PARD3: variants seen among roughly 807,000 people sequenced by gnomAD.
PARD3 encodes par-3 family cell polarity regulator, also known as partitioning defective 3 homolog.
A neutral mutation model predicts 155.4 loss-of-function variants in PARD3; 75 were observed. That is an observed-to-expected ratio of 0.48 (90% CI 0.40 to 0.58). The LOEUF (loss-of-function observed/expected upper bound fraction) is 0.58. Among genes scored for constraint, PARD3 ranks in the 20% least tolerant of loss-of-function variants. PARD3 has a pLI of 0.00. For synonymous variants in PARD3, 576 were observed against 610.5 expected (o/e 0.94, Z 0.83); for missense variants, 1,642 against 1,721.7 (o/e 0.95, Z 0.82).
In PARD3 at chr10:34,196,167, G is replaced by C. The variant is rs114829843; in HGVS notation, c.3420-64584C>G. ...TGGCCTGTGAGCTCCTTTGTCTATA[G>C]CTTTCTAGAAATAAGTGACCCAGAC... On this transcript the variant is annotated intron_variant, in intron 22 of 24. Transcript: ENST00000374788. 3.5e-3 allele frequency among the ~76,000 whole-genome samples: 538 copies of C among 152,184 alleles called. 4 individuals carry two copies. The highest frequency in any genetic ancestry group is 0.012 in the African/African-American group (518 of 41,532).
intron 23 of PARD3, among the ~76,000 whole-genome samples, chr10:34,127,198 C>A (rs1349678886): frequency 6.6e-6 from 1 of 152,140 alleles, no homozygotes; most frequent in African/African-American, 2.4e-5. Flanking sequence ...CATCTAGATA[C>A]TAAGACGTAG....
chr10:34,743,615 TA>T (rs1049429394), intron 1 of PARD3, among the ~76,000 whole-genome samples: 1 of 152,174 alleles, frequency 6.6e-6, no homozygotes, highest in East Asian at 1.9e-4. Flanking sequence ...CTCCCGTATC[TA>T]AAAATCTGCT....
intron 1 of PARD3, among the ~76,000 whole-genome samples, chr10:34,768,892 G>A (rs926623148): frequency 6.6e-6 from 1 of 152,174 alleles, no homozygotes; most frequent in African/African-American, 2.4e-5. Context: ...GAAGGGAGGT[G>A]AATATCCAGT....
chr10:34,343,445 A>G (rs1837045561), intron 15 of PARD3: 1 of 980,850 alleles, frequency 1.0e-6, no homozygotes, highest in African/African-American at 1.7e-5. Flanking sequence ...GTTGTGATAC[A>G]ATATTGTATA....
intron 7 of PARD3, among the ~76,000 whole-genome samples, chr10:34,391,730 T>C (rs1450162247): frequency 1.3e-5 from 2 of 152,386 alleles, no homozygotes; most frequent in East Asian, 1.9e-4. Flanking sequence ...AATCTGCATA[T>C]AGATTATTTT....
chr10:34,472,420 A>G (rs896613626), intron 3 of PARD3, among the ~76,000 whole-genome samples: 3 of 152,238 alleles, frequency 2.0e-5, no homozygotes, highest in Admixed American at 6.5e-5. Context: ...TGCCCTTACT[A>G]TAAGGAAAGT....
chr10:34,774,921 A>G (rs779422751), intron 1 of PARD3, among the ~76,000 whole-genome samples: 54 of 152,242 alleles, frequency 3.5e-4, no homozygotes, highest in Non-Finnish European at 7.1e-4. Context: ...CTGGAAGTTT[A>G]CCTAGTTACG....
chr10:34,262,466 G>A (rs1955077259), intron 22 of PARD3, among the ~76,000 whole-genome samples: 2 of 152,066 alleles, frequency 1.3e-5, no homozygotes, highest in South Asian at 4.1e-4. Context: ...GCATCTCGCT[G>A]TGTTGTCTAG....
chr10:34,740,138 A>G (rs1298795988), intron 1 of PARD3, among the ~76,000 whole-genome samples: 1 of 152,146 alleles, frequency 6.6e-6, no homozygotes, highest in East Asian at 1.9e-4. Flanking sequence ...GAAAGGGAGG[A>G]AACCTGAAAC....
intron 1 of PARD3, among the ~76,000 whole-genome samples, chr10:34,811,127 A>G (rs1365483551): frequency 6.6e-6 from 1 of 152,036 alleles, no homozygotes; most frequent in Non-Finnish European, 1.5e-5. Context: ...CTTTATTTAG[A>G]ATGAAATGCT....
chr10:34,260,464 A>C (rs920514079), intron 22 of PARD3, among the ~76,000 whole-genome samples: 5 of 152,178 alleles, frequency 3.3e-5, no homozygotes, highest in African/African-American at 9.7e-5. Flanking sequence ...ATCTTCAGCT[A>C]TTAAGGAGAG....
At chr10:34,312,287 G>C (rs1178394848) in intron 20 of PARD3, 1 of 1,604,194 alleles carries the variant, frequency 6.2e-7, no homozygotes, top group African/African-American at 1.3e-5. Context: ...TTTATTGTTT[G>C]TTTAAAAAAA....
At chr10:34,452,088 A>G (rs1383914222) in intron 4 of PARD3, among the ~76,000 whole-genome samples, 1 of 152,150 alleles carries the variant, frequency 6.6e-6, no homozygotes, top group Non-Finnish European at 1.5e-5. Flanking sequence ...GGAGGAATTA[A>G]AGTACACTGA....
intron 5 of PARD3, among the ~76,000 whole-genome samples, chr10:34,428,117 G>A (rs1271953710): frequency 6.6e-6 from 1 of 152,012 alleles, no homozygotes; most frequent in African/African-American, 2.4e-5. Flanking sequence ...AACTAACTGA[G>A]GAAGAATCTC....
At chr10:34,547,763 G>GA (rs1312644299) in intron 2 of PARD3, among the ~76,000 whole-genome samples, 2 of 151,330 alleles carry the variant, frequency 1.3e-5, no homozygotes, top group Admixed American at 6.6e-5. Context: ...TGCACAGATG[G>GA]AAAAAAGAAA....
intron 3 of PARD3, among the ~76,000 whole-genome samples, chr10:34,487,343 C>T (rs1243876559): frequency 3.6e-4 from 54 of 151,920 alleles, no homozygotes; most frequent in Admixed American, 3.5e-3. Flanking sequence ...ATTCTACCCC[C>T]AGTTTTTAAT....
chr10:34,675,585 C>T (rs1439674037), intron 2 of PARD3: 1 of 151,908 alleles, frequency 6.6e-6, no homozygotes, highest in Non-Finnish European at 1.5e-5. Flanking sequence ...TAATACAATA[C>T]CCCAACTTTT....
intron 14 of PARD3, among the ~76,000 whole-genome samples, chr10:34,351,639 T>C (rs546812449): frequency 1.3e-5 from 2 of 152,330 alleles, no homozygotes; most frequent in African/African-American, 4.8e-5. Context: ...GAACCAGAAA[T>C]GTGAGGTGAG....
chr10:34,150,272 G>A (rs1948715979), intron 22 of PARD3, among the ~76,000 whole-genome samples: 1 of 152,134 alleles, frequency 6.6e-6, no homozygotes, highest in Non-Finnish European at 1.5e-5. Flanking sequence ...GACATAGAGT[G>A]GGTCATTAGA....
Sources: gnomAD v4.1 joint callset for allele counts (sites outside exome capture counted in the v4.1 genomes callset) on GRCh38, gnomAD v4.1.1 for gene constraint, MANE v1.5 for transcripts, NCBI Gene and HGNC (gene_info 2026-07-23, HGNC 2026-07-21) for gene names.